KCNQ5: variants seen among roughly 807,000 people sequenced by gnomAD.
The protein encoded by KCNQ5 is potassium voltage-gated channel subfamily Q member 5, also known as potassium voltage-gated channel subfamily KQT member 5.
In KCNQ5, 30 loss-of-function variants were observed where a neutral mutation model predicts 98.2. The observed-to-expected ratio is 0.31, with a 90% CI of 0.23 to 0.41. The LOEUF (loss-of-function observed/expected upper bound fraction) is 0.41, where lower values mean the gene tolerates loss of function less well. KCNQ5 is among the 10% of genes least tolerant of loss of function. The probability of loss-of-function intolerance (pLI) is 1.00; values close to 1 mark genes in which losing one functional copy is unlikely to be tolerated. For missense variants in KCNQ5, 835 were observed against 1,182.5 expected (o/e 0.71, Z 4.31); for synonymous variants, 458 against 449.4 (o/e 1.02, Z -0.24).
chr6:73,175,684 A>C (rs1204109012), intron 11 of KCNQ5, among the ~76,000 whole-genome samples: 1 of 152,242 alleles, frequency 6.6e-6, no homozygotes, highest in Admixed American at 6.5e-5. Flanking sequence ...CATTTGAAAA[A>C]TAGGTCTTGA....
chr6:72,869,713 T>A (rs1205419288), intron 1 of KCNQ5, among the ~76,000 whole-genome samples: 1 of 151,788 alleles, frequency 6.6e-6, no homozygotes, highest in African/African-American at 2.4e-5. Context: ...CAAAAAAAAA[T>A]GGGGGTGGTG....
intron 1 of KCNQ5, among the ~76,000 whole-genome samples, chr6:72,836,399 A>G (rs559451768): frequency 1.3e-5 from 2 of 152,220 alleles, no homozygotes; most frequent in East Asian, 3.9e-4. Flanking sequence ...TTAGAGCAAA[A>G]CTGGAGAAGA....
At chr6:73,179,674 G>T (rs957455150) in intron 11 of KCNQ5, among the ~76,000 whole-genome samples, 10 of 150,168 alleles carry the variant, frequency 6.7e-5, no homozygotes, top group African/African-American at 2.2e-4. Context: ...GCAATCACAA[G>T]GGGGCCATTC....
At chr6:72,824,389 C>T (rs542830144) in intron 1 of KCNQ5, among the ~76,000 whole-genome samples, 312 of 152,108 alleles carry the variant, frequency 2.1e-3, no homozygotes, top group Middle Eastern at 3.4e-3. Flanking sequence ...TTTCTTGTAT[C>T]AAAATATCTG....
intron 1 of KCNQ5, among the ~76,000 whole-genome samples, chr6:72,824,785 C>CTGTGTGTGTG: frequency 6.6e-6 from 1 of 150,838 alleles, no homozygotes; most frequent in Admixed American, 6.6e-5. Flanking sequence ...TTCTCTGTCT[C>CTGTGTGTGTG]TGTGTGTGTG....
Position 72,908,942 on chromosome 6 carries a change from TA to T in KCNQ5, c.399-94963del, listed in dbSNP as rs1455279083. ...ACTCCAATGTTCAAATTTCTTTTTA[TA>T]AATTGCAAAAAATGCATCTAATTTT... On this transcript the variant is annotated intron_variant, in intron 1 of 13. Transcript: ENST00000370398. Among the ~76,000 whole-genome samples the T allele has an allele frequency of 1.2e-4, 19 of 152,290 alleles. No individual in the cohort carries two copies. In the East Asian group the frequency reaches 2.3e-3, roughly 19 times the overall value.
chr6:73,184,556 C>A (rs1373398902), intron 11 of KCNQ5, among the ~76,000 whole-genome samples: 1 of 152,122 alleles, frequency 6.6e-6, no homozygotes, highest in Non-Finnish European at 1.5e-5. Flanking sequence ...TTTAATGAAC[C>A]CCCTAATACT....
At chr6:73,097,706 A>G (rs1256648951) in intron 5 of KCNQ5, among the ~76,000 whole-genome samples, 1 of 152,198 alleles carries the variant, frequency 6.6e-6, no homozygotes, top group African/African-American at 2.4e-5. Flanking sequence ...AAGGAAGAGA[A>G]CAAGAGTTTT....
intron 10 of KCNQ5, among the ~76,000 whole-genome samples, chr6:73,149,649 T>C (rs1777065193): frequency 6.6e-6 from 1 of 151,908 alleles, no homozygotes; most frequent in South Asian, 2.1e-4. Context: ...TACAAAAAAT[T>C]AGCTGGGCGA....
chr6:72,727,177 A>G (rs911980416), intron 1 of KCNQ5, among the ~76,000 whole-genome samples: 1 of 152,242 alleles, frequency 6.6e-6, no homozygotes, highest in Non-Finnish European at 1.5e-5. Flanking sequence ...CAGGGTCTCA[A>G]TATGACCTGC....
chr6:72,681,131 C>G, intron 1 of KCNQ5, among the ~76,000 whole-genome samples: 1 of 152,220 alleles, frequency 6.6e-6, no homozygotes, highest in East Asian at 1.9e-4. Flanking sequence ...TTTATTGGAG[C>G]TCTCTTATAG....
At chr6:72,995,860 A>T (rs894732410) in intron 1 of KCNQ5, among the ~76,000 whole-genome samples, 9 of 152,132 alleles carry the variant, frequency 5.9e-5, no homozygotes, top group South Asian at 2.1e-4. Flanking sequence ...TAGTTCTTTT[A>T]AAAAAAATGC....
intron 10 of KCNQ5, among the ~76,000 whole-genome samples, chr6:73,148,854 T>TA (rs5877349): frequency 0.12 from 18,062 of 152,210 alleles, 2,088 homozygotes; most frequent in African/African-American, 0.28. Flanking sequence ...GGACTCATGT[T>TA]ACGTAGAAAT....
At chr6:72,849,047 C>T (rs1234504560) in intron 1 of KCNQ5, among the ~76,000 whole-genome samples, 1 of 152,002 alleles carries the variant, frequency 6.6e-6, no homozygotes, top group East Asian at 1.9e-4. Flanking sequence ...ACTTAATAGC[C>T]TCCAGTTCCA....
intron 1 of KCNQ5, among the ~76,000 whole-genome samples, chr6:72,919,782 G>A (rs73753205): frequency 6.6e-6 from 1 of 152,200 alleles, no homozygotes; most frequent in Admixed American, 6.5e-5. Context: ...AAGGAAGCCT[G>A]CCTTTGGTTA....
rs186418794 is a variant in KCNQ5 at position 73,134,026 on chromosome 6, T to C, written c.1468+385T>C. On this transcript the variant is annotated intron_variant, in intron 10 of 13. Transcript: ENST00000370398. ...GACAACCAGGTGCTTGCTCTGTGAA[T>C]ATCTTGAAACACAGTAAGGAGGATG... 1.5e-4 allele frequency: 71 copies of C among 474,288 alleles called. 1 individual carries two copies. Among genetic ancestry groups the C allele is most frequent in the Middle Eastern group, 3.2e-4 (1 of 3,094 alleles). The allele number at this position is 474,288 out of a possible 1,614,324, so 29.4% of individuals were successfully genotyped here. A position where few individuals can be genotyped will look rare whatever the true frequency, so the allele number is the denominator to read the frequency against.
chr6:72,998,818 T>C (rs1189203621), intron 1 of KCNQ5, among the ~76,000 whole-genome samples: 1 of 150,308 alleles, frequency 6.7e-6, no homozygotes, highest in African/African-American at 2.4e-5. Flanking sequence ...CATTATGCCA[T>C]GGAACACTTA....
chr6:72,966,576 A>C (rs1322879231), intron 1 of KCNQ5, among the ~76,000 whole-genome samples: 3 of 152,110 alleles, frequency 2.0e-5, no homozygotes, highest in African/African-American at 7.2e-5. Context: ...CAAAGAAAGA[A>C]AGAAAGAAAA....
chr6:73,063,089 T>C (rs1772853368), intron 3 of KCNQ5, among the ~76,000 whole-genome samples: 1 of 152,206 alleles, frequency 6.6e-6, no homozygotes, highest in Non-Finnish European at 1.5e-5. Context: ...AATGGGAAAA[T>C]ATCCAGCTCC....
Sources: gnomAD v4.1 joint callset for allele counts (sites outside exome capture counted in the v4.1 genomes callset) on GRCh38, gnomAD v4.1.1 for gene constraint, MANE v1.5 for transcripts, NCBI Gene and HGNC (gene_info 2026-07-23, HGNC 2026-07-21) for gene names.